The following CWC22 variants were observed in gnomAD, a reference collection of about 807,000 sequenced individuals.
CWC22 encodes CWC22 spliceosome associated protein.
CWC22 carries 53 observed loss-of-function variants against 117.2 expected under a neutral mutation model. The observed-to-expected ratio is 0.45, with a 90% CI of 0.36 to 0.57. The LOEUF is 0.57. Ranked by LOEUF, CWC22 falls within the 20% of genes least tolerant of loss-of-function variation. The pLI, the probability that CWC22 is intolerant of heterozygous loss-of-function variation, is 0.00. For missense variants in CWC22, 980 were observed against 1,068.8 expected, an observed-to-expected ratio of 0.92 and a Z score of 1.16; for synonymous variants, 360 against 355.6, an observed-to-expected ratio of 1.01 and a Z score of -0.14.
chr2:179,958,854 T>TTAAAACACCTTAAAACAC (rs1686673449), intron 14 of CWC22, among the ~76,000 whole-genome samples, 168 bp downstream of exon 14: 1 of 152,192 alleles, frequency 6.6e-6, no homozygotes, highest in Non-Finnish European at 1.5e-5. Context: ...GCAATATATC[T>TTAAAACACCTTAAAACAC]GAAACACCCT....
intron 1 of CWC22, among the ~76,000 whole-genome samples, chr2:179,996,824 T>A (rs1687714435): frequency 1.1e-5 from 1 of 87,690 alleles, no homozygotes. Flanking sequence ...TTAAAAGTGT[T>A]AAAAGATAAA....
At chr2:179,984,687 G>A (rs1687370559) in intron 4 of CWC22, among the ~76,000 whole-genome samples, 1 of 152,062 alleles carries the variant, frequency 6.6e-6, no homozygotes, top group African/African-American at 2.4e-5. Flanking sequence ...GGAAAATCAG[G>A]AGAAAGCTGG....
At chr2:179,988,760 T>A (rs1361895826) in intron 2 of CWC22, 116 bp from the exon 3 acceptor site, 1 of 562,616 alleles carries the variant, frequency 1.8e-6, no homozygotes. Flanking sequence ...AAACATTTTT[T>A]AAATCATTAA....
At chr2:179,970,918 T>C (rs1384073624) in intron 9 of CWC22, 23 bp downstream of exon 9, 6 of 1,609,896 alleles carry the variant, frequency 3.7e-6, no homozygotes, top group Middle Eastern at 1.6e-4. Flanking sequence ...AAACTTAACA[T>C]CAAACTATGA....
intron 8 of CWC22, among the ~76,000 whole-genome samples, 160 bp downstream of exon 8, chr2:179,973,033 T>C (rs897927667): frequency 2.0e-5 from 3 of 151,854 alleles, no homozygotes; most frequent in Non-Finnish European, 4.4e-5. Flanking sequence ...AAAAAGAACA[T>C]TAAATATATT....
intron 1 of CWC22, among the ~76,000 whole-genome samples, chr2:180,001,123 T>C (rs1285422391): frequency 6.6e-6 from 1 of 152,166 alleles, no homozygotes; most frequent in Non-Finnish European, 1.5e-5. Context: ...TGTCTCTTGA[T>C]TTACAGTACA....
chr2:179,956,752 T>A (rs1173433561), intron 14 of CWC22, among the ~76,000 whole-genome samples: 1 of 151,820 alleles, frequency 6.6e-6, no homozygotes, highest in Admixed American at 6.6e-5. Context: ...TACCAAATTA[T>A]GTTAACTTCA....
intron 2 of CWC22, among the ~76,000 whole-genome samples, chr2:179,991,679 T>C (rs970224555): frequency 6.6e-6 from 1 of 152,202 alleles, no homozygotes; most frequent in African/African-American, 2.4e-5. Context: ...TGAGCGCTCT[T>C]GTCTAACATG....
rs757428939 is a variant in CWC22, at chr2:179,993,909, G to A, written c.-113-455C>T. On this transcript the variant is annotated intron_variant, in intron 1 of 19. Coordinates refer to ENST00000410053, the MANE Select transcript of CWC22 (RefSeq NM_020943.3). ...AAATACCCAATATCCTTGCAATAAT[G>A]ATCATTAAGAAATAAATTTAATCCA... Among the ~76,000 whole-genome samples the A allele has an allele frequency of 2.4e-3, 366 of 152,162 alleles. 2 individuals carry two copies. The highest frequency in any genetic ancestry group is 2.5e-3 in the Non-Finnish European group (168 of 67,972).
chr2:179,984,555 A>G (rs984447736), intron 4 of CWC22, among the ~76,000 whole-genome samples: 16 of 152,034 alleles, frequency 1.1e-4, no homozygotes, highest in African/African-American at 3.4e-4. Context: ...TGTGGGGGGT[A>G]TAATATTGGT....
intron 1 of CWC22, among the ~76,000 whole-genome samples, chr2:180,006,603 G>A (rs1360481476): frequency 1.3e-5 from 2 of 152,136 alleles, no homozygotes; most frequent in African/African-American, 2.4e-5. Flanking sequence ...CCGGCAAGAG[G>A]CATAAGAGTG....
Position 179,977,899 on chromosome 2 carries a change from C to G in CWC22, c.581+291G>C, listed in dbSNP as rs541896726. Among the ~76,000 whole-genome samples, 6 of 152,156 alleles carry G rather than the reference C, an allele frequency of 3.9e-5. No individual in the cohort carries two copies. In the South Asian group the frequency reaches 6.2e-4, roughly 16 times the overall value. On this transcript the variant is annotated intron_variant, in intron 6 of 19. Coordinates refer to ENST00000410053, the MANE Select transcript of CWC22 (RefSeq NM_020943.3). The stretch of plus-strand genomic sequence containing the variant: ...GTTTGAGGTAGTATATTTTAACATT[C>G]GTTATTCCTCATGAGTTTAAATTAC...
chr2:179,990,567 AG>A (rs1261331341), intron 2 of CWC22, among the ~76,000 whole-genome samples: 171 of 152,022 alleles, frequency 1.1e-3, no homozygotes, highest in Middle Eastern at 3.4e-3. Context: ...AGAGAGAGAG[AG>A]AGAGAGAGAG....
intron 13 of CWC22, among the ~76,000 whole-genome samples, chr2:179,961,017 A>G (rs1402872326): frequency 1.3e-5 from 2 of 152,052 alleles, no homozygotes; most frequent in Non-Finnish European, 1.5e-5. Context: ...GGAGTTCAGC[A>G]TAACATTAGT....
chr2:180,004,996 G>T (rs920309801), intron 1 of CWC22, among the ~76,000 whole-genome samples: 10 of 151,024 alleles, frequency 6.6e-5, no homozygotes, highest in Admixed American at 5.3e-4. Context: ...CAAACTAATT[G>T]GCATGAGAAC....
chr2:179,945,403 T>G lies in CWC22; in HGVS notation c.2453A>C (p.Asp818Ala). 1 of 1,613,328 alleles carries G rather than the reference T, an allele frequency of 6.2e-7. No homozygotes were observed. The highest frequency in any genetic ancestry group is 8.5e-7 in the Non-Finnish European group (1 of 1,179,608). Residue 818 changes from aspartate (D) to alanine (A), a missense_variant, in exon 20 of 20, where the codon GAT becomes GCT. Physicochemically the swap from Asp to Ala is moderately radical, Grantham distance 126. Coordinates refer to ENST00000410053, the MANE Select transcript of CWC22 (RefSeq NM_020943.3). Reference sequence around the variant, plus strand: ...TCTCTCTCCTCTCTTCTTTTTGGGATCACCATGCTTATTTTCCAAATCTAT... The same window carrying G: ...TCTCTCTCCTCTCTTCTTTTTGGGAGCACCATGCTTATTTTCCAAATCTAT... ...MHIDLENKHG[D>A]PKKKRGERRN...
At chr2:180,004,597 G>A (rs1687924904) in intron 1 of CWC22, among the ~76,000 whole-genome samples, 2 of 152,098 alleles carry the variant, frequency 1.3e-5, no homozygotes, top group Non-Finnish European at 2.9e-5. Context: ...GTTTCACCAT[G>A]TTGGCCAGGC....
rs757382783 is a variant in CWC22, at chr2:179,955,001, C to T, written c.1492G>A (p.Ala498Thr). The part of the protein sequence containing the change: ...ELCNMILDCC[A>T]QQRTYEKFFG... Reference sequence around the variant, plus strand: ...AATTTTTCGTATGTCCTCTGTTGGGCACAGCAATCAAGTATCATGTTGCAG... The same window carrying T: ...AATTTTTCGTATGTCCTCTGTTGGGTACAGCAATCAAGTATCATGTTGCAG... The change falls in exon 15 of 20, where the codon GCC becomes ACC. Residue 498 changes from alanine (A) to threonine (T), a missense_variant. Ala to Thr is a moderately conservative substitution (Grantham distance 58, BLOSUM62 0). This residue lies in a region of CWC22 where 559 missense variants were observed against 602.3 expected (regional missense o/e 0.93). Transcript: ENST00000410053. The T allele has an allele frequency of 6.2e-7, 1 of 1,601,710 alleles. No homozygotes were observed. Among genetic ancestry groups the T allele is most frequent in the Admixed American group, 1.7e-5 (1 of 58,590 alleles).
At position 179,973,700 on chromosome 2, in the gene CWC22, T is replaced by A; in HGVS notation, c.684A>T (p.Gln228His). The change falls in exon 7 of 20, where the codon CAA (glutamine) becomes CAT (histidine). Residue 228 changes from glutamine (Q) to histidine (H), a missense_variant. Transcript: ENST00000410053. ...ACCTTTTGAGGATTAATTCTCCAATTTGTGGAAATTTTGAGTTGATAATTG... is the reference window on the plus strand; with the variant it reads ...ACCTTTTGAGGATTAATTCTCCAATATGTGGAAATTTTGAGTTGATAATTG... ...LVAIINSKFP[Q>H]IGELILKRLI... 1.2e-6 allele frequency: 2 copies of A among 1,611,442 alleles called. No homozygotes were observed. Among genetic ancestry groups the A allele is most frequent in the Non-Finnish European group, 1.7e-6 (2 of 1,178,008 alleles).
Sources: allele counts gnomAD v4.1 joint callset (sites outside exome capture counted in the v4.1 genomes callset), GRCh38; gene constraint gnomAD v4.1.1; regional missense constraint gnomAD v4.1.1; transcripts MANE v1.5; gene names NCBI Gene and HGNC (gene_info 2026-07-23, HGNC 2026-07-21).